The following ZMYND11 variants were observed in gnomAD, a reference collection of about 807,000 sequenced individuals.
The protein encoded by ZMYND11 is zinc finger MYND-type containing 11.
ZMYND11 carries 9 observed loss-of-function variants against 84.9 expected under a neutral mutation model. The ratio of observed to expected loss-of-function variants is 0.11; its 90% CI spans 0.06 to 0.18. ZMYND11 has a LOEUF of 0.18. ZMYND11 is among the 10% of genes least tolerant of loss of function. ZMYND11 has a pLI of 1.00. For synonymous variants in ZMYND11, 250 were observed against 244.1 expected (o/e 1.02, Z -0.23); for missense variants, 409 against 761.0 (o/e 0.54, Z 5.44).
At chr10:201,944 CT>C (rs1943260795) in intron 2 of ZMYND11, among the ~76,000 whole-genome samples, 1 of 152,142 alleles carries the variant, frequency 6.6e-6, no homozygotes, top group Non-Finnish European at 1.5e-5. Context: ...CCAAATTGTT[CT>C]GTTTTCTCTT....
chr10:176,059 CTTGT>C (rs1232788552), intron 1 of ZMYND11, among the ~76,000 whole-genome samples: 3 of 152,162 alleles, frequency 2.0e-5, no homozygotes, highest in African/African-American at 7.2e-5. Flanking sequence ...CAAGCAACTT[CTTGT>C]TTAATTTTGC....
At chr10:233,994 A>G (rs1170096415) in intron 4 of ZMYND11, among the ~76,000 whole-genome samples, 6 of 152,244 alleles carry the variant, frequency 3.9e-5, no homozygotes, top group African/African-American at 1.4e-4. Context: ...ACCTGAATAT[A>G]GACCTTTATT....
upstream of ZMYND11, among the ~76,000 whole-genome samples, chr10:131,740 C>T (rs1835316712): frequency 6.6e-6 from 1 of 151,910 alleles, no homozygotes; most frequent in African/African-American, 2.4e-5. Flanking sequence ...GTTGCCCAGG[C>T]TGTTCTCGAA....
At chr10:239,240 CATGCTTCATTATACT>C (rs1317517681) in intron 6 of ZMYND11, among the ~76,000 whole-genome samples, 183 bp from the exon 7 acceptor site, 1 of 152,196 alleles carries the variant, frequency 6.6e-6, no homozygotes, top group Non-Finnish European at 1.5e-5. Flanking sequence ...TCTGACCTGC[CATGCTTCATTATACT>C]ATATTATTAA....
intron 2 of ZMYND11, among the ~76,000 whole-genome samples, chr10:183,673 C>T (rs1360332781): frequency 6.6e-6 from 1 of 152,152 alleles, no homozygotes; most frequent in Non-Finnish European, 1.5e-5. Context: ...AAAATAGGAT[C>T]CTTTAATGGT....
chr10:237,097 TTTC>T (rs1174283233), intron 5 of ZMYND11, among the ~76,000 whole-genome samples, 182 bp downstream of exon 5: 6 of 152,328 alleles, frequency 3.9e-5, no homozygotes, highest in African/African-American at 9.6e-5. Context: ...GCAGTTAGAT[TTTC>T]TTGTTTTGTC....
chr10:241,686 C>CT lies in ZMYND11; in HGVS notation c.832-334dup, dbSNP rs1219573100. Reference sequence around the variant, plus strand: ...CCTGTGAAGACAGTACTGTGCCAGCCTAAAATTTCCCCATTTCTAACAAAT... The same window carrying CT: ...CCTGTGAAGACAGTACTGTGCCAGCCTTAAAATTTCCCCATTTCTAACAAAT... On this transcript the variant is annotated intron_variant, in intron 9 of 14. Transcript: ENST00000381604. 2.0e-5 allele frequency among the ~76,000 whole-genome samples: 3 copies of CT among 152,338 alleles called. No individual in the cohort carries two copies. The East Asian group carries it at 5.8e-4, about 29-fold the overall frequency.
chr10:205,675 G>A (rs1480351563), intron 2 of ZMYND11, among the ~76,000 whole-genome samples: 1 of 152,008 alleles, frequency 6.6e-6, no homozygotes, highest in Non-Finnish European at 1.5e-5. Context: ...GGGTGGCAGA[G>A]TGAGACCCTG....
upstream of ZMYND11, among the ~76,000 whole-genome samples, chr10:131,238 A>G (rs975541593): frequency 6.6e-6 from 1 of 152,230 alleles, no homozygotes; most frequent in Non-Finnish European, 1.5e-5. Flanking sequence ...GCCCTTGAAA[A>G]GACAGGATCC....
chr10:163,250 A>G (rs546107146), intron 1 of ZMYND11, among the ~76,000 whole-genome samples: 1 of 151,692 alleles, frequency 6.6e-6, no homozygotes, highest in Non-Finnish European at 1.5e-5. Flanking sequence ...CTGGGAAGCA[A>G]CTCTCAGTGT....
At chr10:198,636 A>C (rs1191016704) in intron 2 of ZMYND11, among the ~76,000 whole-genome samples, 9 of 152,234 alleles carry the variant, frequency 5.9e-5, no homozygotes, top group Admixed American at 5.9e-4. Flanking sequence ...TCCTAGAGTC[A>C]CTGGAGGTCC....
chr10:226,735 C>T (rs908360175), intron 4 of ZMYND11, among the ~76,000 whole-genome samples: 57 of 152,220 alleles, frequency 3.7e-4, no homozygotes, highest in African/African-American at 1.3e-3. Flanking sequence ...GAATACCGCT[C>T]CACTGAAATC....
intron 1 of ZMYND11, among the ~76,000 whole-genome samples, chr10:171,040 A>C (rs1272068036): frequency 1.3e-5 from 2 of 152,148 alleles, no homozygotes; most frequent in African/African-American, 4.8e-5. Flanking sequence ...TTTCAGACAA[A>C]GGACTTCAGA....
At chr10:232,559 C>T (rs1054084459) in intron 4 of ZMYND11, among the ~76,000 whole-genome samples, 2 of 152,290 alleles carry the variant, frequency 1.3e-5, no homozygotes, top group East Asian at 3.9e-4. Context: ...CAGCTTCTGT[C>T]GGCCTCTGTG....
At position 158,983 on chromosome 10, in the gene ZMYND11, T is replaced by TG. The variant is rs782723560; in HGVS notation, c.-19-21010dup. Among the ~76,000 whole-genome samples the TG allele has an allele frequency of 1.5e-3, 185 of 123,116 alleles. 1 individual carries two copies. The highest frequency in any genetic ancestry group is 5.3e-3 in the African/African-American group (177 of 33,588). The allele number at this position is 123,116 out of a possible 152,430, so 80.8% of individuals were successfully genotyped here. ...CAGATATATGATTTGCAGGGTTTTT[T>TG]GTTTTTTGTTTTTTTTTTTTTTTTT... is the stretch of plus-strand genomic sequence containing the variant. On this transcript the variant is annotated intron_variant, in intron 1 of 14. Coordinates refer to ENST00000381604, the MANE Select transcript of ZMYND11 (RefSeq NM_001370100.5).
intron 2 of ZMYND11, among the ~76,000 whole-genome samples, chr10:202,034 T>G (rs1402783312): frequency 6.6e-6 from 1 of 152,208 alleles, no homozygotes; most frequent in Non-Finnish European, 1.5e-5. Flanking sequence ...TTTATCTGAA[T>G]GCTAACAAAT....
chr10:152,970 A>G (rs1274304178), intron 1 of ZMYND11, among the ~76,000 whole-genome samples: 1 of 152,256 alleles, frequency 6.6e-6, no homozygotes, highest in African/African-American at 2.4e-5. Context: ...TACTGGGTAC[A>G]TAGCGAAATG....
chr10:215,191 T>C (rs1945960352), intron 3 of ZMYND11, among the ~76,000 whole-genome samples: 1 of 152,208 alleles, frequency 6.6e-6, no homozygotes, highest in Admixed American at 6.5e-5. Context: ...TGACTTAAAA[T>C]ATTAAAAAGT....
chr10:229,012 T>G (rs1777308820), intron 4 of ZMYND11, among the ~76,000 whole-genome samples: 1 of 152,166 alleles, frequency 6.6e-6, no homozygotes, highest in Non-Finnish European at 1.5e-5. Flanking sequence ...CTATCACGGT[T>G]TGTTTTGTAG....
Sources: gnomAD v4.1 joint callset for allele counts (sites outside exome capture counted in the v4.1 genomes callset) on GRCh38, gnomAD v4.1.1 for gene constraint, MANE v1.5 for transcripts, NCBI Gene and HGNC (gene_info 2026-07-23, HGNC 2026-07-21) for gene names.